The following PAX7 variants were observed in gnomAD, a reference collection of about 807,000 sequenced individuals.
The protein encoded by PAX7 is paired box 7, also known as paired box protein Pax-7.
In PAX7, 18 loss-of-function variants were observed where a neutral mutation model predicts 50.7. The ratio of observed to expected loss-of-function variants is 0.36; its 90% CI spans 0.25 to 0.53. The LOEUF (loss-of-function observed/expected upper bound fraction) is 0.53, where lower values mean the gene tolerates loss of function less well. PAX7 is among the 20% of genes least tolerant of loss of function. The probability of loss-of-function intolerance (pLI) is 0.93; values close to 1 mark genes in which losing one functional copy is unlikely to be tolerated. For missense variants in PAX7, 644 were observed against 702.9 expected (o/e 0.92, Z 0.95); for synonymous variants, 310 against 290.4 (o/e 1.07, Z -0.69).
At chr1:18,728,167 C>T (rs1046374235) in intron 7 of PAX7, among the ~76,000 whole-genome samples, 1 of 152,008 alleles carries the variant, frequency 6.6e-6, no homozygotes, top group Non-Finnish European at 1.5e-5. Context: ...CACAGGTTTG[C>T]GTGAGTGAGC....
intron 7 of PAX7, among the ~76,000 whole-genome samples, chr1:18,731,662 A>AG (rs924941052): frequency 6.6e-6 from 1 of 152,094 alleles, no homozygotes; most frequent in Non-Finnish European, 1.5e-5. Context: ...GCCTGGAGAC[A>AG]GGGGGTTGGA....
At chr1:18,681,276 T>C (rs2088895998) in intron 4 of PAX7, among the ~76,000 whole-genome samples, 1 of 148,666 alleles carries the variant, frequency 6.7e-6, no homozygotes, top group African/African-American at 2.5e-5. Context: ...TCCTCCTCAC[T>C]AATTCACAGC....
rs1422162910 is a variant in PAX7, at chr1:18,632,470, G to C, written c.85+782G>C. On this transcript the variant is annotated intron_variant, in intron 1 of 8. Transcript: ENST00000420770. The surrounding 1 kb of genome is among the most constrained non-coding windows in gnomAD (Gnocchi z 6.3). The stretch of plus-strand genomic sequence containing the variant: ...GATAGGACGGGCGGCGGCGAACCGG[G>C]TCCTGGCTGGAGAAAAGGCTGGGAG... Among the ~76,000 whole-genome samples the C allele has an allele frequency of 6.6e-6, 1 of 151,868 alleles. No individual in the cohort carries two copies. The highest frequency in any genetic ancestry group is 2.4e-5 in the African/African-American group (1 of 41,326).
chr1:18,695,212 AAAAAAAAG>A (rs754663345), intron 5 of PAX7, among the ~76,000 whole-genome samples: 108 of 144,498 alleles, frequency 7.5e-4, no homozygotes, highest in Non-Finnish European at 1.3e-3. Context: ...TACATGTAAA[AAAAAAAAG>A]AAAAAAAAAG....
rs886692695 is a variant in PAX7, at chr1:18,679,506, C to G, written c.587-12248C>G. Reference sequence around the variant, plus strand: ...ACTGGAGCCCCAGCTGCTGCTCTTTCCCCTCTGCTGATTTTGAGACCTCTC... The same window carrying G: ...ACTGGAGCCCCAGCTGCTGCTCTTTGCCCTCTGCTGATTTTGAGACCTCTC... On this transcript the variant is annotated intron_variant, in intron 4 of 8. Transcript: ENST00000420770. 1.3e-4 allele frequency among the ~76,000 whole-genome samples: 20 copies of G among 152,144 alleles called. 1 individual carries two copies. Among genetic ancestry groups the G allele is most frequent in the African/African-American group, 4.8e-4 (20 of 41,452 alleles).
At chr1:18,697,657 A>G (rs2282702) in intron 5 of PAX7, among the ~76,000 whole-genome samples, 8,630 of 152,232 alleles carry the variant, frequency 0.057, 430 homozygotes, top group East Asian at 0.25. Context: ...CCTACTGGGA[A>G]GGAGGTGAAC....
chr1:18,645,963 T>TC (rs2088331426), intron 4 of PAX7, among the ~76,000 whole-genome samples: 1 of 152,126 alleles, frequency 6.6e-6, no homozygotes, highest in South Asian at 2.1e-4. Context: ...ACCCTGCAGC[T>TC]CTCCTTCCCG....
chr1:18,679,962 T>C (rs1460523015), intron 4 of PAX7, among the ~76,000 whole-genome samples: 1 of 152,152 alleles, frequency 6.6e-6, no homozygotes, highest in Non-Finnish European at 1.5e-5. Flanking sequence ...GCAATAATAA[T>C]CGCTAACATG....
At position 18,703,299 on chromosome 1, in the gene PAX7, A is replaced by G. The variant is rs2089246022; in HGVS notation, c.1155+3A>G. The G allele has an allele frequency of 6.2e-7, 1 of 1,613,300 alleles. No individual in the cohort carries two copies. Among genetic ancestry groups the G allele is most frequent in the East Asian group, 2.2e-5 (1 of 44,880 alleles). On this transcript the variant is annotated splice_donor_region_variant and intron_variant, in intron 7 of 8. Transcript: ENST00000420770. ...TCAGCAACGGCCTGTCTCCTCAGGT[A>G]GGTGGTCTCAGCCCAGCACCCAGGA...
At chr1:18,720,618 T>G (rs1570224871) in intron 7 of PAX7, among the ~76,000 whole-genome samples, 5 of 139,138 alleles carry the variant, frequency 3.6e-5, no homozygotes, top group Admixed American at 7.2e-5. Context: ...AGAGGGGAGG[T>G]GGGCGCAGAC....
intron 4 of PAX7, among the ~76,000 whole-genome samples, chr1:18,684,519 G>T (rs7522729): frequency 6.6e-6 from 1 of 152,152 alleles, no homozygotes; most frequent in South Asian, 2.1e-4. Flanking sequence ...CCCGTACACC[G>T]TGCGCTGGTT....
chr1:18,739,756 C>T, intron 8 of PAX7, among the ~76,000 whole-genome samples: 1 of 152,212 alleles, frequency 6.6e-6, no homozygotes, highest in East Asian at 1.9e-4. Flanking sequence ...CACCTTCACT[C>T]CTTTTCCTGC....
At chr1:18,720,722 A>G (rs1458934131) in intron 7 of PAX7, among the ~76,000 whole-genome samples, 1 of 151,710 alleles carries the variant, frequency 6.6e-6, no homozygotes, top group Non-Finnish European at 1.5e-5. Context: ...GGGGGGAGAG[A>G]GAGAGAGAGA....
At chr1:18,653,380 G>T (rs742071) in intron 4 of PAX7, among the ~76,000 whole-genome samples, 58,787 of 151,852 alleles carry the variant, frequency 0.39, 11,811 homozygotes, top group Middle Eastern at 0.53. Flanking sequence ...TTGCAACGGT[G>T]CTGTGTACGC....
chr1:18,667,606 G>A (rs2088689713), intron 4 of PAX7, among the ~76,000 whole-genome samples: 1 of 152,088 alleles, frequency 6.6e-6, no homozygotes, highest in Non-Finnish European at 1.5e-5. Flanking sequence ...TTAGACATAA[G>A]GAAACACAAA....
intron 4 of PAX7, among the ~76,000 whole-genome samples, chr1:18,646,149 A>G (rs1278014663): frequency 6.6e-6 from 1 of 152,218 alleles, no homozygotes; most frequent in African/African-American, 2.4e-5. Flanking sequence ...AAGATTCTGA[A>G]TGATTGCAGA....
chr1:18,668,240 G>T (rs2088697171), intron 4 of PAX7, among the ~76,000 whole-genome samples: 1 of 152,184 alleles, frequency 6.6e-6, no homozygotes, highest in African/African-American at 2.4e-5. Flanking sequence ...GGATATTCCA[G>T]CCACATTAGA....
intron 6 of PAX7, among the ~76,000 whole-genome samples, chr1:18,702,371 A>G (rs1375992296): frequency 1.3e-5 from 2 of 151,948 alleles, no homozygotes; most frequent in Non-Finnish European, 2.9e-5. Context: ...AAAGATAGCT[A>G]CCTCATAAAG....
intron 7 of PAX7, among the ~76,000 whole-genome samples, chr1:18,715,753 T>C (rs2089412313): frequency 6.6e-6 from 1 of 152,188 alleles, no homozygotes; most frequent in Admixed American, 6.5e-5. Context: ...AGTGTGTTCA[T>C]ATATGCAAAG....
Sources: allele counts gnomAD v4.1 joint callset (sites outside exome capture counted in the v4.1 genomes callset), GRCh38; gene constraint gnomAD v4.1.1; non-coding constraint Gnocchi (gnomAD v3.1); transcripts MANE v1.5; gene names NCBI Gene and HGNC (gene_info 2026-07-23, HGNC 2026-07-21).